The following NUP62CL variants were observed in gnomAD, a reference collection of about 807,000 sequenced individuals.
NUP62CL encodes nucleoporin 62 C-terminal like.
NUP62CL carries 13 observed loss-of-function variants against 15.3 expected under a neutral mutation model. The observed-to-expected ratio is 0.85, with a 90% CI of 0.55 to 1.35. NUP62CL has a LOEUF of 1.35. Ranked by LOEUF, NUP62CL falls within the 40% of genes most tolerant of loss-of-function variation. The pLI, the probability that NUP62CL is intolerant of heterozygous loss-of-function variation, is 0.00. For synonymous variants in NUP62CL, 54 were observed against 49.2 expected, an observed-to-expected ratio of 1.10 and a Z score of -0.41; for missense variants, 123 against 130.6, an observed-to-expected ratio of 0.94 and a Z score of 0.28.
chrX:107,205,894 A>T (rs1483028673), intron 1 of NUP62CL, among the ~76,000 whole-genome samples: 1 of 110,947 alleles, frequency 9.0e-6, no homozygotes, highest in Non-Finnish European at 1.9e-5. Context: ...ACGTAGCTCA[A>T]GCCAGTGCCC....
intron 2 of NUP62CL, among the ~76,000 whole-genome samples, chrX:107,187,390 C>A (rs1490062076): frequency 9.0e-6 from 1 of 111,729 alleles, no homozygotes; most frequent in Admixed American, 9.5e-5. Context: ...ACAGCTAATT[C>A]TTTTATTTAT....
intron 2 of NUP62CL, among the ~76,000 whole-genome samples, chrX:107,180,476 G>A (rs1926889634): frequency 8.9e-6 from 1 of 111,831 alleles, no homozygotes; most frequent in Non-Finnish European, 1.9e-5. Flanking sequence ...AAAAAATACT[G>A]AGGAAAAACA....
intron 8 of NUP62CL, among the ~76,000 whole-genome samples, chrX:107,146,472 C>T (rs1293223315): frequency 8.9e-6 from 1 of 111,743 alleles, no homozygotes; most frequent in Admixed American, 9.5e-5. Flanking sequence ...TATTTTTCTG[C>T]CAAGAAATGA....
chrX:107,182,259 G>A (rs1035325779), intron 2 of NUP62CL, among the ~76,000 whole-genome samples: 7 of 112,265 alleles, frequency 6.2e-5, no homozygotes, highest in African/African-American at 2.3e-4. Flanking sequence ...ACTATGCACT[G>A]TAGGATGTTC....
chrX:107,162,308 A>G (rs759160198), intron 4 of NUP62CL, among the ~76,000 whole-genome samples: 16 of 111,218 alleles, frequency 1.4e-4, no homozygotes, highest in Non-Finnish European at 2.6e-4. Context: ...ATGGGACTGA[A>G]AAACGTATTT....
chrX:107,149,724 C>G (rs1372406711), intron 7 of NUP62CL, among the ~76,000 whole-genome samples: 2 of 111,727 alleles, frequency 1.8e-5, no homozygotes, highest in Non-Finnish European at 3.8e-5. Context: ...ACATATATGT[C>G]ATTCATCTTC....
intron 4 of NUP62CL, among the ~76,000 whole-genome samples, chrX:107,160,281 C>T (rs1195792198): frequency 9.5e-6 from 1 of 105,565 alleles, no homozygotes; most frequent in African/African-American, 3.6e-5. Context: ...GAAAAAACGA[C>T]TTTAAAGTTC....
At chrX:107,142,769 G>T (rs191600014) in intron 8 of NUP62CL, among the ~76,000 whole-genome samples, 1 of 111,923 alleles carries the variant, frequency 8.9e-6, no homozygotes, top group Non-Finnish European at 1.9e-5. Context: ...TCTGTCATAA[G>T]TGGTCCCAGA....
At chrX:107,189,919 AAGAAAGAAAGAAAG>A (rs1927191571) in intron 2 of NUP62CL, among the ~76,000 whole-genome samples, 2 of 106,757 alleles carry the variant, frequency 1.9e-5, no homozygotes, top group Non-Finnish European at 3.8e-5. Context: ...GAAAGAAAGA[AAGAAAGAAAGAAAG>A]AAAGAAAGAA....
At chrX:107,192,465 G>A (rs768047457) in intron 2 of NUP62CL, among the ~76,000 whole-genome samples, 8 of 111,421 alleles carry the variant, frequency 7.2e-5, no homozygotes, top group African/African-American at 1.3e-4. Flanking sequence ...CTGCAGCCTC[G>A]ACCTCCCGGG....
chrX:107,189,739 A>T (rs557262956), intron 2 of NUP62CL, among the ~76,000 whole-genome samples: 3 of 105,920 alleles, frequency 2.8e-5, no homozygotes, highest in African/African-American at 1.0e-4. Flanking sequence ...GTAAGCCATG[A>T]TCGTGCCACT....
intron 2 of NUP62CL, among the ~76,000 whole-genome samples, chrX:107,191,491 C>T (rs983690496): frequency 9.1e-6 from 1 of 110,027 alleles, no homozygotes; most frequent in Non-Finnish European, 1.9e-5. Flanking sequence ...AGGTGGATCA[C>T]GAGGTCAGGA....
chrX:107,140,701 T>G (rs1353021697), intron 8 of NUP62CL, among the ~76,000 whole-genome samples: 1 of 112,308 alleles, frequency 8.9e-6, no homozygotes, highest in Non-Finnish European at 1.9e-5. Context: ...GCTGTGCAAT[T>G]TTTTAATAAA....
At chrX:107,135,106 G>A (rs1925610031) in intron 8 of NUP62CL, among the ~76,000 whole-genome samples, 1 of 111,510 alleles carries the variant, frequency 9.0e-6, no homozygotes, top group South Asian at 3.8e-4. Context: ...CCTTATGTAT[G>A]TATAGGAGAG....
rs770971151 is a variant in NUP62CL, at chrX:107,171,373, T to A, written c.59-3589A>T. Among the ~76,000 whole-genome samples the A allele has an allele frequency of 3.6e-5, 4 of 111,808 alleles. No individual in the cohort carries two copies. In the South Asian group the frequency reaches 1.5e-3, roughly 42 times the overall value. ...GTGGGTGAAATGGTGTGTATTAGTC[T>A]GTTCTCATGCTGCTAATAAAGACAT... is the stretch of plus-strand genomic sequence containing the variant. On this transcript the variant is annotated intron_variant, in intron 3 of 8. Transcript: ENST00000372466.
chrX:107,135,261 A>G (rs1458576633), intron 8 of NUP62CL, among the ~76,000 whole-genome samples: 1 of 112,002 alleles, frequency 8.9e-6, no homozygotes, highest in Non-Finnish European at 1.9e-5. Flanking sequence ...GACATGGAAT[A>G]AGAAGTGCTG....
chrX:107,193,148 G>C (rs1927283561), intron 1 of NUP62CL, 76 bp from the exon 2 acceptor site: 1 of 112,245 alleles, frequency 8.9e-6, no homozygotes, highest in African/African-American at 3.2e-5. Context: ...ATGGTGGACA[G>C]AAGCCACACT....
At chrX:107,187,587 G>A (rs1474174659) in intron 2 of NUP62CL, among the ~76,000 whole-genome samples, 1 of 111,473 alleles carries the variant, frequency 9.0e-6, no homozygotes, top group Non-Finnish European at 1.9e-5. Context: ...TAGTAGAGAC[G>A]ATGTTTTGCC....
At chrX:107,184,832 G>A (rs1927014457) in intron 2 of NUP62CL, among the ~76,000 whole-genome samples, 1 of 111,085 alleles carries the variant, frequency 9.0e-6, no homozygotes, top group Non-Finnish European at 1.9e-5. Flanking sequence ...AAAAAAACTT[G>A]AAAGCAGTAA....
Sources: allele counts gnomAD v4.1 joint callset (sites outside exome capture counted in the v4.1 genomes callset), GRCh38; gene constraint gnomAD v4.1.1; transcripts MANE v1.5; gene names NCBI Gene and HGNC (gene_info 2026-07-23, HGNC 2026-07-21).